NCBP3: variants seen among roughly 807,000 people sequenced by gnomAD.
NCBP3 encodes the protein nuclear cap binding subunit 3.
In NCBP3, 20 loss-of-function variants were observed where a neutral mutation model predicts 75.7. The observed-to-expected ratio is 0.26, with a 90% CI of 0.19 to 0.38. NCBP3 has a LOEUF of 0.38. NCBP3 is among the 10% of genes least tolerant of loss of function. The probability of loss-of-function intolerance (pLI) is 1.00; values close to 1 mark genes in which losing one functional copy is unlikely to be tolerated. For synonymous variants in NCBP3, 293 were observed against 290.5 expected (o/e 1.01, Z -0.09); for missense variants, 678 against 796.9 (o/e 0.85, Z 1.80).
At chr17:3,830,913 T>G (rs1016275507) in intron 3 of NCBP3, among the ~76,000 whole-genome samples, 51 of 150,674 alleles carry the variant, frequency 3.4e-4, no homozygotes, top group African/African-American at 1.2e-3. Flanking sequence ...ACCTTTTTTT[T>G]TTTTTCTTTT....
intron 3 of NCBP3, among the ~76,000 whole-genome samples, chr17:3,833,911 A>G (rs113293629): frequency 0.013 from 1,953 of 152,228 alleles, 52 homozygotes; most frequent in African/African-American, 0.044. Flanking sequence ...ACTATCACTC[A>G]GGACTCTCCT....
At chr17:3,819,995 C>T (rs2053632520) in intron 9 of NCBP3, among the ~76,000 whole-genome samples, 1 of 152,176 alleles carries the variant, frequency 6.6e-6, no homozygotes, top group Admixed American at 6.5e-5. Context: ...CTCTGTCGCC[C>T]AGGTTGGAAT....
chr17:3,817,567 T>C (rs1442511367), intron 10 of NCBP3, among the ~76,000 whole-genome samples: 1 of 151,894 alleles, frequency 6.6e-6, no homozygotes, highest in Non-Finnish European at 1.5e-5. Context: ...AGGCGGAGTT[T>C]GCAGTGAGCC....
At chr17:3,832,503 C>T (rs868290463) in intron 3 of NCBP3, among the ~76,000 whole-genome samples, 1,270 of 80,116 alleles carry the variant, frequency 0.016, 193 homozygotes, top group Middle Eastern at 0.045. Context: ...TGGTGGCAGG[C>T]ACCTGTAGTC....
chr17:3,829,181 G>A (rs1597405377), intron 4 of NCBP3, 62 bp downstream of exon 4: 1 of 1,530,986 alleles, frequency 6.5e-7, no homozygotes, highest in Non-Finnish European at 8.8e-7. Flanking sequence ...CATCTCTGAT[G>A]GCAAGAACTC....
In NCBP3 at chr17:3,829,332, C is replaced by T; in HGVS notation, c.392G>A (p.Cys131Tyr). 6.4e-7 allele frequency: 1 copy of T among 1,551,814 alleles called. No individual in the cohort carries two copies. The stretch of plus-strand genomic sequence containing the variant: ...TTGGGTGCTCATCTCATCTACTCCG[C>T]AAATATAGATTGTCTCCAGTCTCAC... ...PKVRLETIYI[C>Y]GVDEMSTQDV... Residue 131 changes from cysteine (C) to tyrosine (Y), a missense_variant, in exon 4 of 13, where the codon TGC becomes TAC. Around this residue, in one of 7 missense-constraint regions of NCBP3, gnomAD observed 40 missense variants for 41.3 expected, o/e 0.97. Transcript: ENST00000389005.
intron 4 of NCBP3, among the ~76,000 whole-genome samples, chr17:3,828,075 C>T (rs542240961): frequency 2.0e-5 from 3 of 152,276 alleles, no homozygotes; most frequent in Admixed American, 6.5e-5. Context: ...TGCATCGCCA[C>T]ATGAGGCTAA....
chr17:3,843,192 G>A (rs1164592021), intron 1 of NCBP3, 41 bp from the exon 2 acceptor site: 1 of 1,499,128 alleles, frequency 6.7e-7, no homozygotes, highest in South Asian at 1.2e-5. Context: ...GACAGCAATT[G>A]AGGAAAAACC....
chr17:3,836,516 G>A (rs2053973972), intron 3 of NCBP3, among the ~76,000 whole-genome samples: 1 of 151,782 alleles, frequency 6.6e-6, no homozygotes, highest in South Asian at 2.1e-4. Context: ...GGCTGGCCGT[G>A]GTGGCAGGTG....
At position 3,824,401 on chromosome 17, in the gene NCBP3, C is replaced by T. The variant is rs1372001214; in HGVS notation, c.796+541G>A. ...ACACACATATACATACACACACATA[C>T]ATATATACACATACACATACATACA... On this transcript the variant is annotated intron_variant, in intron 7 of 12. Coordinates refer to ENST00000389005, the MANE Select transcript of NCBP3 (RefSeq NM_001114118.3). The T allele has an allele frequency of 2.0e-5, 3 of 151,436 alleles. No individual in the cohort carries two copies. In the Admixed American group the frequency reaches 2.0e-4, roughly 10 times the overall value. 9.4% of individuals were successfully genotyped at this position (151,436 alleles called of 1,614,324 possible). A position where few individuals can be genotyped will look rare whatever the true frequency, so the allele number is the denominator to read the frequency against.
chr17:3,828,748 T>C lies in NCBP3; in HGVS notation c.481+495A>G, dbSNP rs540051853. 2.0e-5 allele frequency among the ~76,000 whole-genome samples: 3 copies of C among 152,238 alleles called. No homozygotes were observed. In the South Asian group the frequency reaches 6.2e-4, roughly 32 times the overall value. On this transcript the variant is annotated intron_variant, in intron 4 of 12. Transcript: ENST00000389005. Reference sequence around the variant, plus strand: ...AGGCAAGCAGAAATGAGAAGTCTAGTAGAGTGTTTAGCTCTAGGTCATTCT... The same window carrying C: ...AGGCAAGCAGAAATGAGAAGTCTAGCAGAGTGTTTAGCTCTAGGTCATTCT...
chr17:3,821,911 G>T, intron 8 of NCBP3, 42 bp downstream of exon 8: 2 of 1,331,362 alleles, frequency 1.5e-6, no homozygotes, highest in Non-Finnish European at 2.1e-6. Flanking sequence ...GAAGGATTAA[G>T]AAAAACTCAA....
Position 3,839,853 on chromosome 17 carries a change from G to A in NCBP3, c.355+247C>T, listed in dbSNP as rs901403181. Among the ~76,000 whole-genome samples the A allele has an allele frequency of 9.2e-5, 14 of 152,154 alleles. No homozygotes were observed. The East Asian group carries it at 2.7e-3, about 29-fold the overall frequency. On this transcript the variant is annotated intron_variant, in intron 3 of 12. Transcript: ENST00000389005. Reference sequence around the variant, plus strand: ...TCGAATCTCAGCTCTGCCACTAACTGGTAACTTTTTCTGGGCCTCCTCAGA... The same window carrying A: ...TCGAATCTCAGCTCTGCCACTAACTAGTAACTTTTTCTGGGCCTCCTCAGA...
Position 3,821,348 on chromosome 17 carries a change from G to A in NCBP3, c.901C>T (p.Arg301Ter), listed in dbSNP as rs2053661176. 2.5e-6 allele frequency: 4 copies of A among 1,612,718 alleles called. No individual in the cohort carries two copies. The highest frequency in any genetic ancestry group is 1.3e-5 in the African/African-American group (1 of 74,856). ...TGAATACGACGGGAATGATATCTTCGCTTCCTGCAAGAATGCCAAAATAAG... is the reference window on the plus strand; with the variant it reads ...TGAATACGACGGGAATGATATCTTCACTTCCTGCAAGAATGCCAAAATAAG... ...MKGILSNSWK[R>*]RYHSRRIQRD... is the part of the protein sequence containing the mutation. The change falls in exon 9 of 13, where the codon CGA becomes TGA. Residue 301 changes from arginine to a stop codon, truncating the protein, a stop_gained. Coordinates refer to ENST00000389005, the MANE Select transcript of NCBP3 (RefSeq NM_001114118.3). LOFTEE classifies it high-confidence loss of function.
At chr17:3,825,231 C>G (rs2053762400) in intron 6 of NCBP3, among the ~76,000 whole-genome samples, 181 bp from the exon 7 acceptor site, 2 of 152,174 alleles carry the variant, frequency 1.3e-5, no homozygotes, top group African/African-American at 2.4e-5. Flanking sequence ...AAAGAACAGT[C>G]TCCATCATTC....
rs2053360939 is a variant in NCBP3, at chr17:3,808,587, A to C, written c.*4457T>G. 6.6e-6 allele frequency: 1 copy of C among 152,226 alleles called. No individual in the cohort carries two copies. Among genetic ancestry groups the C allele is most frequent in the Admixed American group, 6.5e-5 (1 of 15,276 alleles). The allele number at this position is 152,226 out of a possible 1,614,324, so 9.4% of individuals were successfully genotyped here. A position where few individuals can be genotyped will look rare whatever the true frequency, so the allele number is the denominator to read the frequency against. The stretch of plus-strand genomic sequence containing the variant: ...TGGAGGTAGAAACAGCTCTGTGCAC[A>C]GTCTGTAGGGCTAGTGAGATCAAGA... On this transcript the variant is annotated 3_prime_UTR_variant, in exon 13 of 13. Coordinates refer to ENST00000389005, the MANE Select transcript of NCBP3 (RefSeq NM_001114118.3).
At chr17:3,838,270 A>G (rs2054009665) in intron 3 of NCBP3, among the ~76,000 whole-genome samples, 1 of 152,256 alleles carries the variant, frequency 6.6e-6, no homozygotes, top group East Asian at 1.9e-4. Flanking sequence ...ACAGAATGAA[A>G]GGCATGAGCC....
intron 11 of NCBP3, 57 bp downstream of exon 11, chr17:3,816,059 C>T (rs1411737266): frequency 1.9e-6 from 3 of 1,551,882 alleles, no homozygotes; most frequent in African/African-American, 2.7e-5. Context: ...CTCTCTCTGC[C>T]CCAGTCTGCT....
rs556662286 is a variant in NCBP3 at position 3,828,026 on chromosome 17, C to G, written c.481+1217G>C. 4.6e-5 allele frequency among the ~76,000 whole-genome samples: 7 copies of G among 152,306 alleles called. No homozygotes were observed. In the South Asian group the frequency reaches 1.4e-3, roughly 32 times the overall value. The stretch of plus-strand genomic sequence containing the variant: ...CTCTGCCTCCCAGATTCAAGCAATT[C>G]TCCTGCCTCAGCCTCCTGAATAGCT... On this transcript the variant is annotated intron_variant, in intron 4 of 12. Coordinates refer to ENST00000389005, the MANE Select transcript of NCBP3 (RefSeq NM_001114118.3).
Sources: allele counts gnomAD v4.1 joint callset (sites outside exome capture counted in the v4.1 genomes callset), GRCh38; gene constraint gnomAD v4.1.1; regional missense constraint gnomAD v4.1.1; transcripts MANE v1.5; gene names NCBI Gene and HGNC (gene_info 2026-07-23, HGNC 2026-07-21).